RNF130: variants seen among roughly 807,000 people sequenced by gnomAD.
RNF130 encodes ring finger protein 130, also known as E3 ubiquitin-protein ligase RNF130.
RNF130 carries 21 observed loss-of-function variants against 44.6 expected under a neutral mutation model. The ratio of observed to expected loss-of-function variants is 0.47; its 90% CI spans 0.33 to 0.68. The LOEUF (loss-of-function observed/expected upper bound fraction) is 0.68. Among genes scored for constraint, RNF130 ranks in the 30% least tolerant of loss-of-function variants. The probability of loss-of-function intolerance (pLI) is 0.02; values close to 1 mark genes in which losing one functional copy is unlikely to be tolerated. For missense variants in RNF130, 479 were observed against 560.6 expected, an observed-to-expected ratio of 0.85 and a Z score of 1.47; for synonymous variants, 214 against 210.4, an observed-to-expected ratio of 1.02 and a Z score of -0.15.
exon 8 of RNF130, chr5:179,917,912 G>C (rs1435921706): frequency 6.6e-6 from 1 of 152,370 alleles, no homozygotes; most frequent in East Asian, 1.9e-4. Flanking sequence ...GGGCTGAGGT[G>C]GGAGGATCAC....
intron 2 of RNF130, among the ~76,000 whole-genome samples, chr5:180,022,716 A>C (rs1763901595): frequency 6.6e-6 from 1 of 152,048 alleles, no homozygotes. Flanking sequence ...GTCTCCACAA[A>C]CCTTTGCTAT....
chr5:179,935,408 T>C (rs1582128125), intron 7 of RNF130, among the ~76,000 whole-genome samples: 1 of 152,208 alleles, frequency 6.6e-6, no homozygotes, highest in Non-Finnish European at 1.5e-5. Context: ...TCAAATCTTC[T>C]AGATCCCTGG....
chr5:179,985,004 T>C (rs1338283939), intron 3 of RNF130, among the ~76,000 whole-genome samples: 1 of 152,176 alleles, frequency 6.6e-6, no homozygotes, highest in Non-Finnish European at 1.5e-5. Flanking sequence ...TATAGTTTGT[T>C]TGATATTGTT....
At chr5:179,957,143 G>A (rs1056189490) in intron 8 of RNF130, among the ~76,000 whole-genome samples, 1 of 152,170 alleles carries the variant, frequency 6.6e-6, no homozygotes, top group Non-Finnish European at 1.5e-5. Flanking sequence ...TGGGCCTGGT[G>A]GCTCACGCCT....
intron 7 of RNF130, among the ~76,000 whole-genome samples, chr5:179,938,669 A>C (rs1027716624): frequency 2.1e-4 from 32 of 152,152 alleles, no homozygotes; most frequent in African/African-American, 7.5e-4. Context: ...TAATTGTCAA[A>C]ATTAAGTTGC....
intron 3 of RNF130, among the ~76,000 whole-genome samples, chr5:180,010,622 A>T (rs1156421546): frequency 2.6e-5 from 4 of 152,158 alleles, no homozygotes; most frequent in Non-Finnish European, 5.9e-5. Flanking sequence ...GGCTTCCCAA[A>T]GTGCCGGGAT....
At chr5:180,022,038 T>C (rs1054021590) in intron 2 of RNF130, among the ~76,000 whole-genome samples, 1 of 152,252 alleles carries the variant, frequency 6.6e-6, no homozygotes. Flanking sequence ...TATTTCCCTG[T>C]GGCTAGATTC....
intron 1 of RNF130, among the ~76,000 whole-genome samples, chr5:180,042,166 C>T (rs565319966): frequency 1.2e-4 from 19 of 152,176 alleles, no homozygotes; most frequent in Non-Finnish European, 2.1e-4. Flanking sequence ...AATGCTTACA[C>T]GACTTAAATT....
intron 1 of RNF130, among the ~76,000 whole-genome samples, chr5:180,056,093 CA>C (rs1193999910): frequency 1.3e-5 from 2 of 151,214 alleles, no homozygotes; most frequent in Non-Finnish European, 3.0e-5. Flanking sequence ...TAAAAAAAAA[CA>C]AAAACAAAAA....
intron 3 of RNF130, among the ~76,000 whole-genome samples, chr5:179,998,859 TTATATA>T (rs61232613): frequency 3.4e-5 from 3 of 88,750 alleles, no homozygotes; most frequent in Non-Finnish European, 4.7e-5. Flanking sequence ...CTAGTATTTT[TTATATA>T]TATATATATA....
At chr5:179,944,631 G>C (rs78936657) in intron 7 of RNF130, among the ~76,000 whole-genome samples, 5,219 of 151,126 alleles carry the variant, frequency 0.035, 321 homozygotes, top group African/African-American at 0.12. Context: ...TTTGAATTTT[G>C]TAGAGACAGT....
chr5:180,047,513 G>A (rs1309243459), intron 1 of RNF130, among the ~76,000 whole-genome samples: 3 of 152,186 alleles, frequency 2.0e-5, no homozygotes, highest in African/African-American at 7.2e-5. Flanking sequence ...GGGAGGCCAA[G>A]GCAGGCAGAT....
At chr5:179,978,073 A>C (rs1166016527) in intron 5 of RNF130, 130 bp downstream of exon 5, 9 of 731,726 alleles carry the variant, frequency 1.2e-5, no homozygotes, top group Non-Finnish European at 2.2e-5. Context: ...CCAGCAATGC[A>C]CAGCGGACTT....
chr5:180,058,699 G>A (rs1238568740), intron 1 of RNF130, among the ~76,000 whole-genome samples: 1 of 152,004 alleles, frequency 6.6e-6, no homozygotes, highest in African/African-American at 2.4e-5. Flanking sequence ...GAGACTACAG[G>A]TGCACACCAC....
intron 3 of RNF130, among the ~76,000 whole-genome samples, chr5:179,993,429 G>A (rs1763135168): frequency 6.6e-6 from 1 of 152,224 alleles, no homozygotes; most frequent in South Asian, 2.1e-4. Context: ...ACTGGTGTGA[G>A]ATGGTATCTC....
At chr5:180,052,473 A>G (rs1764709471) in intron 1 of RNF130, among the ~76,000 whole-genome samples, 1 of 152,244 alleles carries the variant, frequency 6.6e-6, no homozygotes, top group Non-Finnish European at 1.5e-5. Context: ...CTTGATCCAG[A>G]GCAGCGCCTG....
intron 1 of RNF130, among the ~76,000 whole-genome samples, chr5:180,041,078 A>G (rs1398066968): frequency 1.3e-5 from 2 of 152,188 alleles, no homozygotes; most frequent in Non-Finnish European, 2.9e-5. Flanking sequence ...CCACAGTGAG[A>G]AAACAGGAGC....
intron 2 of RNF130, among the ~76,000 whole-genome samples, chr5:180,023,848 G>A (rs1386592776): frequency 6.6e-6 from 1 of 152,234 alleles, no homozygotes; most frequent in Non-Finnish European, 1.5e-5. Context: ...GCTGTGCACA[G>A]TGGTGTCAAA....
chr5:179,947,941 G>T (rs1762069180), intron 7 of RNF130, among the ~76,000 whole-genome samples: 1 of 152,114 alleles, frequency 6.6e-6, no homozygotes, highest in Non-Finnish European at 1.5e-5. Flanking sequence ...CCCTCAAATA[G>T]CTACCTCCAT....
Sources: allele counts gnomAD v4.1 joint callset (sites outside exome capture counted in the v4.1 genomes callset), GRCh38; gene constraint gnomAD v4.1.1; transcripts MANE v1.5; gene names NCBI Gene and HGNC (gene_info 2026-07-23, HGNC 2026-07-21).